The following ZBTB41 variants were observed in gnomAD, a reference collection of about 807,000 sequenced individuals.
The protein encoded by ZBTB41 is zinc finger and BTB domain containing 41, also known as zinc finger and BTB domain-containing protein 41.
A neutral mutation model predicts 87.6 loss-of-function variants in ZBTB41; 42 were observed. The ratio of observed to expected loss-of-function variants is 0.48; its 90% confidence interval spans 0.37 to 0.62. ZBTB41 has a LOEUF of 0.62. Ranked by LOEUF, ZBTB41 falls within the 20% of genes least tolerant of loss-of-function variation. ZBTB41 has a pLI of 0.00. For missense variants in ZBTB41, 799 were observed against 1,078.9 expected (o/e 0.74, Z 3.63); for synonymous variants, 364 against 364.0 (o/e 1.00, Z 0.00).
intron 6 of ZBTB41, among the ~76,000 whole-genome samples, chr1:197,178,839 G>C (rs1163072197): frequency 6.6e-6 from 1 of 152,134 alleles, no homozygotes; most frequent in East Asian, 1.9e-4. Context: ...AATTTTGATA[G>C]AGAGGGTTTA....
chr1:197,199,464 G>T lies in ZBTB41; in HGVS notation c.1010C>A (p.Ala337Asp). The T allele has an allele frequency of 6.2e-7, 1 of 1,613,020 alleles. No homozygotes were observed. The highest frequency in any genetic ancestry group is 1.1e-5 in the South Asian group (1 of 90,798). The change falls in exon 2 of 11, where the codon GCT becomes GAT. Residue 337 changes from alanine to aspartate, a missense_variant. Physicochemically the swap from Ala to Asp is moderately radical, Grantham distance 126. Coordinates refer to ENST00000367405, the MANE Select transcript of ZBTB41 (RefSeq NM_194314.3). ...DHNDAEEEPE[A>D]GDSVGNVHEG... ...ATGAACATTTCCTACAGAATCACCA[G>T]CCTCAGGTTCTTCTTCTGCATCATT...
rs1212717586 is a variant in ZBTB41, at chr1:197,153,922, T to C, written c.*5437A>G. 6.6e-6 allele frequency: 1 copy of C among 152,282 alleles called. No individual in the cohort carries two copies. The highest frequency in any genetic ancestry group is 1.5e-5 in the Non-Finnish European group (1 of 67,986). The allele number at this position is 152,282 out of a possible 1,614,324, so 9.4% of individuals were successfully genotyped here. On this transcript the variant is annotated 3_prime_UTR_variant, in exon 11 of 11. Transcript: ENST00000367405. ...GTCATTGCTTTTAAAGTATCCTTAATTAAAAACAAAAATTATTATTTGAGA... is the reference window on the plus strand; with the variant it reads ...GTCATTGCTTTTAAAGTATCCTTAACTAAAAACAAAAATTATTATTTGAGA...
At chr1:197,170,865 G>A (rs1305637159) in intron 10 of ZBTB41, among the ~76,000 whole-genome samples, 1 of 152,026 alleles carries the variant, frequency 6.6e-6, no homozygotes, top group Non-Finnish European at 1.5e-5. Context: ...GCTGACTTTT[G>A]CCTTCTATTA....
intron 5 of ZBTB41, among the ~76,000 whole-genome samples, chr1:197,184,863 G>A (rs1350834493): frequency 2.0e-5 from 3 of 151,788 alleles, no homozygotes; most frequent in African/African-American, 7.3e-5. Context: ...TGCCCAGGCT[G>A]GTGTGCAATA....
intron 7 of ZBTB41, among the ~76,000 whole-genome samples, chr1:197,177,909 A>G (rs919841879): frequency 1.3e-5 from 2 of 152,156 alleles, no homozygotes; most frequent in African/African-American, 4.8e-5. Context: ...AATTGTACAC[A>G]CATTTCAGAA....
chr1:197,186,588 G>C (rs375969860), intron 5 of ZBTB41, among the ~76,000 whole-genome samples: 7 of 152,308 alleles, frequency 4.6e-5, no homozygotes, highest in African/African-American at 1.2e-4. Context: ...CCAGCCAGGC[G>C]TGGTGGCTCA....
intron 10 of ZBTB41, among the ~76,000 whole-genome samples, chr1:197,166,217 A>C (rs939354623): frequency 6.6e-5 from 10 of 152,214 alleles, no homozygotes; most frequent in African/African-American, 2.2e-4. Context: ...AAATACAAGC[A>C]AAATGGGAGA....
intron 8 of ZBTB41, among the ~76,000 whole-genome samples, chr1:197,176,234 G>C (rs1288974166): frequency 6.6e-6 from 1 of 151,870 alleles, no homozygotes; most frequent in African/African-American, 2.4e-5. Flanking sequence ...AATTATCATG[G>C]CTTCTCCCTT....
intron 10 of ZBTB41, among the ~76,000 whole-genome samples, chr1:197,170,533 T>C (rs1659453188): frequency 6.6e-6 from 1 of 152,142 alleles, no homozygotes; most frequent in Non-Finnish European, 1.5e-5. Context: ...CAGTGTTTAC[T>C]GTGAAGAATT....
intron 9 of ZBTB41, 66 bp from the exon 10 acceptor site, chr1:197,172,314 TTAA>T (rs1425585402): frequency 6.9e-6 from 3 of 432,414 alleles, no homozygotes; most frequent in Non-Finnish European, 1.1e-5. Context: ...TATGACAATA[TTAA>T]TAATTATATT....
At chr1:197,178,325 T>C (rs1659661256) in intron 7 of ZBTB41, 92 bp downstream of exon 7, 1 of 883,586 alleles carries the variant, frequency 1.1e-6, no homozygotes, top group Admixed American at 3.0e-5. Context: ...GACTAAGAAA[T>C]GTTTCAATTC....
intron 10 of ZBTB41, among the ~76,000 whole-genome samples, chr1:197,165,384 C>G (rs1004939095): frequency 6.6e-6 from 1 of 151,682 alleles, no homozygotes; most frequent in South Asian, 2.1e-4. Flanking sequence ...CCGAGGCGGG[C>G]GGATCACGAG....
chr1:197,161,878 C>T (rs888131633), intron 10 of ZBTB41, among the ~76,000 whole-genome samples: 2 of 151,752 alleles, frequency 1.3e-5, no homozygotes, highest in African/African-American at 4.8e-5. Context: ...ACGACCACAG[C>T]AATACTAACA....
At chr1:197,170,048 G>A (rs1212821512) in intron 10 of ZBTB41, among the ~76,000 whole-genome samples, 4 of 151,838 alleles carry the variant, frequency 2.6e-5, no homozygotes, top group African/African-American at 4.8e-5. Context: ...AAAGCCCTAC[G>A]ATATGCATTG....
At chr1:197,186,671 G>A (rs998313680) in intron 5 of ZBTB41, among the ~76,000 whole-genome samples, 2 of 152,138 alleles carry the variant, frequency 1.3e-5, no homozygotes, top group South Asian at 4.1e-4. Context: ...AGACCAGCCT[G>A]AGTAACCTGG....
chr1:197,189,786 A>C (rs1287252558), intron 4 of ZBTB41, among the ~76,000 whole-genome samples: 1 of 152,170 alleles, frequency 6.6e-6, no homozygotes, highest in African/African-American at 2.4e-5. Context: ...CTTGGAACTT[A>C]GTTGCTATGC....
At chr1:197,170,549 C>G (rs149059026) in intron 10 of ZBTB41, among the ~76,000 whole-genome samples, 2 of 152,198 alleles carry the variant, frequency 1.3e-5, no homozygotes, top group East Asian at 3.9e-4. Flanking sequence ...GAATTACTCA[C>G]AATACTTATA....
intron 6 of ZBTB41, among the ~76,000 whole-genome samples, chr1:197,180,254 C>T (rs1181192512): frequency 6.6e-6 from 1 of 152,120 alleles, no homozygotes; most frequent in Non-Finnish European, 1.5e-5. Flanking sequence ...AGCCTGGGAG[C>T]AATGGGCTGG....
intron 9 of ZBTB41, among the ~76,000 whole-genome samples, chr1:197,172,824 T>A (rs1659513575): frequency 6.6e-6 from 1 of 152,082 alleles, no homozygotes; most frequent in East Asian, 1.9e-4. Flanking sequence ...AACCCGCATT[T>A]ATCAAAAAGG....
Sources: allele counts gnomAD v4.1 joint callset (sites outside exome capture counted in the v4.1 genomes callset), GRCh38; gene constraint gnomAD v4.1.1; transcripts MANE v1.5; gene names NCBI Gene and HGNC (gene_info 2026-07-23, HGNC 2026-07-21).